Variants in DGKD observed in about 807,000 individuals in gnomAD.
DGKD encodes DAG kinase delta.
A neutral mutation model predicts 154.4 loss-of-function variants in DGKD; 68 were observed. The observed-to-expected ratio is 0.44, with a 90% CI of 0.36 to 0.54. The LOEUF is 0.54. Ranked by LOEUF, DGKD falls within the 20% of genes least tolerant of loss-of-function variation. The pLI, the probability that DGKD is intolerant of heterozygous loss-of-function variation, is 0.00. For missense variants in DGKD, 1,343 were observed against 1,593.6 expected (o/e 0.84, Z 2.68); for synonymous variants, 693 against 638.0 (o/e 1.09, Z -1.30).
At chr2:233,436,523 TCTG>T in intron 7 of DGKD, 82 bp downstream of exon 7, 1 of 1,519,268 alleles carries the variant, frequency 6.6e-7, no homozygotes, top group Non-Finnish European at 8.8e-7. Flanking sequence ...CTCCGCATGA[TCTG>T]CTGGATCCTG....
chr2:233,468,109 C>T (rs1456313518), intron 28 of DGKD, among the ~76,000 whole-genome samples: 2 of 151,958 alleles, frequency 1.3e-5, no homozygotes, highest in Non-Finnish European at 2.9e-5. Context: ...AGCCATCGCC[C>T]CTTGAGCGGG....
intron 3 of DGKD, among the ~76,000 whole-genome samples, chr2:233,433,001 A>G (rs1430612040): frequency 6.6e-6 from 1 of 152,242 alleles, no homozygotes; most frequent in Non-Finnish European, 1.5e-5. Flanking sequence ...AGGATTGTAA[A>G]TTAGCACAGC....
chr2:233,450,845 C>G, intron 16 of DGKD, 77 bp from the exon 17 acceptor site: 2 of 1,538,724 alleles, frequency 1.3e-6, no homozygotes, highest in Non-Finnish European at 1.8e-6. Context: ...CCCACCTGCT[C>G]GTGTCGCTAA....
At chr2:233,454,716 A>T (rs758610811) in intron 18 of DGKD, 47 bp from the exon 19 acceptor site, 1 of 1,172,144 alleles carries the variant, frequency 8.5e-7, no homozygotes, top group East Asian at 2.4e-5. Context: ...CTGAAATAAG[A>T]CTGCTCAGCA....
Position 233,459,683 on chromosome 2 carries a change from G to A in DGKD, c.2695-74G>A. The A allele has an allele frequency of 6.4e-7, 1 of 1,561,042 alleles. No individual in the cohort carries two copies. Among genetic ancestry groups the A allele is most frequent in the Non-Finnish European group, 8.7e-7 (1 of 1,151,274 alleles). ...CGGGTGTGTGGAGCAGGAAGGTCAT[G>A]GTGGTGCTGATAGCACTTTTAAACC... On this transcript the variant is annotated intron_variant, in intron 22 of 29. Transcript: ENST00000264057. This position sits in a 1 kb window ranked among gnomAD's most constrained non-coding sequence, Gnocchi z 5.7.
chr2:233,425,966 C>T (rs747195293), intron 3 of DGKD, among the ~76,000 whole-genome samples: 3 of 152,144 alleles, frequency 2.0e-5, no homozygotes, highest in Non-Finnish European at 1.5e-5. Context: ...ACAGATTTTA[C>T]CAAATGGTTT....
At chr2:233,447,501 TTA>T (rs1268070741) in intron 12 of DGKD, 1 of 985,168 alleles carries the variant, frequency 1.0e-6, no homozygotes, top group African/African-American at 1.7e-5. Context: ...TGTACATTTT[TTA>T]TTTTTCCTTT....
chr2:233,424,376 C>A (rs887483756), intron 3 of DGKD, among the ~76,000 whole-genome samples: 2 of 152,200 alleles, frequency 1.3e-5, no homozygotes, highest in Admixed American at 6.5e-5. Context: ...TTGTCATTAT[C>A]CTCCAGATCT....
At chr2:233,386,926 AAGG>A (rs1216380771) in intron 1 of DGKD, among the ~76,000 whole-genome samples, 5 of 152,178 alleles carry the variant, frequency 3.3e-5, no homozygotes, top group African/African-American at 1.2e-4. Context: ...GTTGCGGGAT[AAGG>A]AGAAGAGACC....
intron 3 of DGKD, among the ~76,000 whole-genome samples, chr2:233,405,648 T>A (rs1400575701): frequency 2.0e-5 from 3 of 152,184 alleles, no homozygotes; most frequent in Admixed American, 2.0e-4. Context: ...TCCCCCTTGT[T>A]CTCACTGTCA....
At chr2:233,428,157 C>T (rs908249093) in intron 3 of DGKD, among the ~76,000 whole-genome samples, 1 of 152,122 alleles carries the variant, frequency 6.6e-6, no homozygotes, top group Non-Finnish European at 1.5e-5. Context: ...GGGCCCTTGC[C>T]TAAGGGGTGC....
chr2:233,422,793 T>C (rs549784146), intron 3 of DGKD, among the ~76,000 whole-genome samples: 3 of 152,320 alleles, frequency 2.0e-5, no homozygotes, highest in African/African-American at 4.8e-5. Flanking sequence ...CTTTACCCAG[T>C]TGCATGCAGT....
Position 233,448,385 on chromosome 2 carries a change from C to G in DGKD, c.1614+10C>G. 1 of 1,611,834 alleles carries G rather than the reference C, an allele frequency of 6.2e-7. No homozygotes were observed. Among genetic ancestry groups the G allele is most frequent in the South Asian group, 1.1e-5 (1 of 90,896 alleles). ...GGTCATGGCCAAGAAGGTCTGTTCC[C>G]GTGCCCTGGGTGGGAGGGGCATTGA... On this transcript the variant is annotated intron_variant, in intron 14 of 29. Coordinates refer to ENST00000264057, the MANE Select transcript of DGKD (RefSeq NM_152879.3).
chr2:233,464,241 C>T lies in DGKD; in HGVS notation c.3264C>T (p.Asp1088=), dbSNP rs962163587. ...EMDRQLRRLA[D]TPWLCQSAEP... is the part of the protein sequence containing the mutation. The stretch of plus-strand genomic sequence containing the variant: ...ACCGACAGCTCAGGAGGCTGGCAGA[C>T]ACCCCGTGGCTCTGCCAGTCCGCAG... The change falls in exon 27 of 30, where the codon GAC becomes GAT. Residue 1088 remains aspartate, a synonymous_variant. Transcript: ENST00000264057. 3.7e-6 allele frequency: 6 copies of T among 1,613,508 alleles called. No individual in the cohort carries two copies. The East Asian group carries it at 1.3e-4, about 36-fold the overall frequency.
At chr2:233,453,808 C>G (rs1265035579) in intron 18 of DGKD, among the ~76,000 whole-genome samples, 1 of 151,514 alleles carries the variant, frequency 6.6e-6, no homozygotes, top group Admixed American at 6.6e-5. Context: ...AGCAGGACTT[C>G]CAGCTGGGTG....
chr2:233,429,744 G>C (rs748010752), intron 3 of DGKD, among the ~76,000 whole-genome samples: 8 of 152,244 alleles, frequency 5.3e-5, no homozygotes, highest in Admixed American at 2.0e-4. Flanking sequence ...GCAGAAGGCA[G>C]ACGGCCCCTC....
At chr2:233,420,494 A>T (rs74608404) in intron 3 of DGKD, among the ~76,000 whole-genome samples, 1 of 152,018 alleles carries the variant, frequency 6.6e-6, no homozygotes, top group African/African-American at 2.4e-5. Context: ...GGGGCATCCT[A>T]ACTTTGGTGT....
chr2:233,470,378 G>A lies in DGKD; in HGVS notation c.*918G>A, dbSNP rs548286468. 3 of 152,536 alleles carry A rather than the reference G, an allele frequency of 2.0e-5. No homozygotes were observed. Among genetic ancestry groups the A allele is most frequent in the African/African-American group, 7.2e-5 (3 of 41,586 alleles). The allele number at this position is 152,536 out of a possible 1,614,324, so 9.4% of individuals were successfully genotyped here. ...TGTGGTTCCCAGGGAGCGTGGCCCT[G>A]GTGGGCCAGGGGTGGTTTGACCTCT... On this transcript the variant is annotated 3_prime_UTR_variant, in exon 30 of 30. Transcript: ENST00000264057.
intron 7 of DGKD, among the ~76,000 whole-genome samples, chr2:233,436,921 G>T (rs1395951705): frequency 6.6e-6 from 1 of 152,226 alleles, no homozygotes; most frequent in East Asian, 1.9e-4. Flanking sequence ...TCCAGGGAGA[G>T]ACTCAGGGAG....
Sources: gnomAD v4.1 joint callset for allele counts (sites outside exome capture counted in the v4.1 genomes callset) on GRCh38, gnomAD v4.1.1 for gene constraint, Gnocchi (gnomAD v3.1) non-coding constraint, MANE v1.5 for transcripts, NCBI Gene and HGNC (gene_info 2026-07-23, HGNC 2026-07-21) for gene names.